Variants in DDX49 observed in about 807,000 individuals in gnomAD.
DDX49 encodes DEAD-box helicase 49.
DDX49 carries 50 observed loss-of-function variants against 56.3 expected under a neutral mutation model. The ratio of observed to expected loss-of-function variants is 0.89; its 90% CI spans 0.71 to 1.12. DDX49 has a LOEUF of 1.12. Among genes scored for constraint, DDX49 ranks in the 50% most tolerant of loss-of-function variants. DDX49 has a pLI of 0.00. For missense variants in DDX49, 614 were observed against 650.5 expected (o/e 0.94, Z 0.61); for synonymous variants, 269 against 270.6 (o/e 0.99, Z 0.06).
rs1336276076 is a variant in DDX49 at position 18,924,662 on chromosome 19, A to T, written c.892A>T (p.Ile298Phe). ...CGCCCTAGCCAAGTTCAAGTCCAGC[A>T]TCTACCGGATCCTGATCGCAACAGA... ...FAALAKFKSSIYRILIATDVA... is the reference protein window; with the variant it reads ...FAALAKFKSSFYRILIATDVA... Residue 298 changes from isoleucine (I) to phenylalanine (F), a missense_variant, in exon 8 of 13, where the codon ATC becomes TTC. By Grantham distance (21) the Ile-to-Phe change is conservative (BLOSUM62 0). Transcript: ENST00000247003. The T allele has an allele frequency of 1.9e-6, 3 of 1,614,220 alleles. No homozygotes were observed. The highest frequency in any genetic ancestry group is 2.5e-6 in the Non-Finnish European group (3 of 1,180,034).
At chr19:18,928,057 T>TA in intron 12 of DDX49, 21 bp downstream of exon 12, 1 of 1,612,270 alleles carries the variant, frequency 6.2e-7, no homozygotes. Flanking sequence ...AGCCCGCAGG[T>TA]AGGGGGTGGG....
At chr19:18,922,767 C>T in intron 6 of DDX49, 23 bp downstream of exon 6, 2 of 1,604,248 alleles carry the variant, frequency 1.2e-6, no homozygotes, top group Non-Finnish European at 1.7e-6. Context: ...CGCCTCTCCC[C>T]TCCCACCGCC....
chr19:18,922,229 G>T, intron 4 of DDX49, 97 bp from the exon 5 acceptor site: 1 of 1,447,400 alleles, frequency 6.9e-7, no homozygotes. Flanking sequence ...AGGGCCTAGG[G>T]TCCATGTCCA....
chr19:18,928,388 G>A lies in DDX49; in HGVS notation c.*72G>A, dbSNP rs1055396293. ...AGGGTCGGAGGAACCTTCCTTGGGG[G>A]CAGCAGCCCTTCCCGGGGGCCTACC... On this transcript the variant is annotated 3_prime_UTR_variant, in exon 13 of 13. Coordinates refer to ENST00000247003, the MANE Select transcript of DDX49 (RefSeq NM_019070.5). The A allele has an allele frequency of 5.7e-6, 8 of 1,404,636 alleles. No individual in the cohort carries two copies. The highest frequency in any genetic ancestry group is 4.4e-5 in the African/African-American group (3 of 68,954). The allele number at this position is 1,404,636 out of a possible 1,614,324, so 87.0% of individuals were successfully genotyped here. A position where few individuals can be genotyped will look rare whatever the true frequency, so the allele number is the denominator to read the frequency against.
chr19:18,921,988 A>G, intron 4 of DDX49, 24 bp downstream of exon 4: 1 of 1,591,594 alleles, frequency 6.3e-7, no homozygotes, highest in South Asian at 1.1e-5. Flanking sequence ...GCCCCTGCAG[A>G]CCTCAGGAGC....
At chr19:18,927,477 C>T (rs1393582137) in intron 10 of DDX49, among the ~76,000 whole-genome samples, 1 of 151,318 alleles carries the variant, frequency 6.6e-6, no homozygotes, top group African/African-American at 2.4e-5. Flanking sequence ...AAAAAAATGG[C>T]GGGGGGAGGC....
At position 18,924,262 on chromosome 19, in the gene DDX49, G is replaced by A. The variant is rs183729370; in HGVS notation, c.806G>A (p.Arg269His). The change falls in exon 7 of 13, where the codon CGC (arginine) becomes CAC (histidine). Residue 269 changes from arginine (R) to histidine (H), a missense_variant. Transcript: ENST00000247003. The stretch of plus-strand genomic sequence containing the variant: ...TGCCAGATTCTGTGCATGATGCTGC[G>A]CAAATTCAGCTTCCCCACCGTGGCT... Reference protein sequence around the residue: ...KTCQILCMMLRKFSFPTVALH... With the variant: ...KTCQILCMMLHKFSFPTVALH... 1.5e-4 allele frequency: 240 copies of A among 1,613,900 alleles called. 1 individual carries two copies. The East Asian group carries it at 2.6e-3, about 18-fold the overall frequency.
chr19:18,928,269 C>A lies in DDX49; in HGVS notation c.1405C>A (p.Pro469Thr), dbSNP rs1320542701. 1.9e-6 allele frequency: 3 copies of A among 1,583,690 alleles called. No homozygotes were observed. The highest frequency in any genetic ancestry group is 2.6e-6 in the Non-Finnish European group (3 of 1,165,226). Residue 469 changes from proline to threonine, a missense_variant, in exon 13 of 13, where the codon CCG becomes ACG. Coordinates refer to ENST00000247003, the MANE Select transcript of DDX49 (RefSeq NM_019070.5). ...AGHKGRPPRT[P>T]SGSHSGPVPS... ...CCACAAGGGGCGTCCACCCAGGACACCGTCTGGGTCCCACTCAGGCCCAGT... is the reference window on the plus strand; with the variant it reads ...CCACAAGGGGCGTCCACCCAGGACAACGTCTGGGTCCCACTCAGGCCCAGT...
At chr19:18,924,816 T>C (rs774001199) in intron 8 of DDX49, 66 bp from the exon 9 acceptor site, 3 of 1,612,298 alleles carry the variant, frequency 1.9e-6, no homozygotes, top group South Asian at 1.1e-5. Context: ...TGAGTGACCC[T>C]GGGTGAGTCC....
Position 18,922,678 on chromosome 19 carries a change from A to G in DDX49, c.710A>G (p.His237Arg). 1 of 1,614,014 alleles carries G rather than the reference A, an allele frequency of 6.2e-7. No individual in the cohort carries two copies. The highest frequency in any genetic ancestry group is 8.5e-7 in the Non-Finnish European group (1 of 1,180,022). ...PEKVKDAYLVHLIQRFQDEHE... is the reference protein window; with the variant it reads ...PEKVKDAYLVRLIQRFQDEHE... ...AAGGTCAAGGACGCCTACCTGGTCCACCTGATCCAGCGCTTCCAGGATGAG... is the reference window on the plus strand; with the variant it reads ...AAGGTCAAGGACGCCTACCTGGTCCGCCTGATCCAGCGCTTCCAGGATGAG... The change falls in exon 6 of 13, where the codon CAC becomes CGC. Residue 237 changes from histidine (H) to arginine (R), a missense_variant. Physicochemically the swap from His to Arg is conservative, Grantham distance 29. Coordinates refer to ENST00000247003, the MANE Select transcript of DDX49 (RefSeq NM_019070.5).
At chr19:18,925,161 A>AGGCAAGATCACTTGAACCCGGGAGGTTGC (rs2056950955) in intron 9 of DDX49, 182 bp downstream of exon 9, 6 of 663,044 alleles carry the variant, frequency 9.0e-6, no homozygotes, top group Middle Eastern at 4.5e-4. Context: ...CGGGAGGCTG[A>AGGCAAGATCACTTGAACCCGGGAGGTTGC]GGCAAGAAGA....
In DDX49 at chr19:18,928,113, T is replaced by A; in HGVS notation, c.1264-15T>A. On this transcript the variant is annotated splice_polypyrimidine_tract_variant and intron_variant, in intron 12 of 12. Transcript: ENST00000247003. Reference sequence around the variant, plus strand: ...GGCCGCCAGCTCAGCCATCCCCTGGTCCTCCCTGTGCCAGGACCCTGACCT... The same window carrying A: ...GGCCGCCAGCTCAGCCATCCCCTGGACCTCCCTGTGCCAGGACCCTGACCT... 1 of 1,611,388 alleles carries A rather than the reference T, an allele frequency of 6.2e-7. No individual in the cohort carries two copies. The highest frequency in any genetic ancestry group is 8.5e-7 in the Non-Finnish European group (1 of 1,178,976).
In DDX49 at chr19:18,924,291, C is replaced by T; in HGVS notation, c.835C>T (p.His279Tyr). The T allele has an allele frequency of 6.2e-7, 1 of 1,613,916 alleles. No individual in the cohort carries two copies. The highest frequency in any genetic ancestry group is 1.7e-5 in the Admixed American group (1 of 60,026). ...ATTCAGCTTCCCCACCGTGGCTCTG[C>T]ACTCCATGATGAAGCAGGTGAGGCC... The part of the protein sequence containing the change: ...RKFSFPTVAL[H>Y]SMMKQKERFA... Residue 279 changes from histidine (H) to tyrosine (Y), a missense_variant, in exon 7 of 13, where the codon CAC (histidine) becomes TAC (tyrosine). Transcript: ENST00000247003.
intron 6 of DDX49, among the ~76,000 whole-genome samples, chr19:18,923,212 G>A (rs2056933462): frequency 6.6e-6 from 1 of 152,164 alleles, no homozygotes; most frequent in Non-Finnish European, 1.5e-5. Context: ...CGCTTTAAAT[G>A]CGTTACCTCC....
At position 18,924,293 on chromosome 19, in the gene DDX49, C is replaced by T; in HGVS notation, c.837C>T (p.His279=). 6.2e-7 allele frequency: 1 copy of T among 1,613,838 alleles called. No individual in the cohort carries two copies. The highest frequency in any genetic ancestry group is 8.5e-7 in the Non-Finnish European group (1 of 1,180,008). ...RKFSFPTVAL[H]SMMKQKERFA... ...TCAGCTTCCCCACCGTGGCTCTGCACTCCATGATGAAGCAGGTGAGGCCAC... is the reference window on the plus strand; with the variant it reads ...TCAGCTTCCCCACCGTGGCTCTGCATTCCATGATGAAGCAGGTGAGGCCAC... Residue 279 remains histidine (H), a synonymous_variant, in exon 7 of 13, where the codon CAC becomes CAT. Transcript: ENST00000247003.
intron 4 of DDX49, 29 bp from the exon 5 acceptor site, chr19:18,922,297 C>T (rs1264328466): frequency 1.3e-6 from 2 of 1,599,868 alleles, no homozygotes; most frequent in Non-Finnish European, 1.7e-6. Flanking sequence ...TGGACGGCAC[C>T]CTCACCCCTG....
intron 1 of DDX49, 145 bp from the exon 2 acceptor site, chr19:18,920,435 G>A (rs1484852042): frequency 4.0e-6 from 3 of 750,504 alleles, no homozygotes; most frequent in Non-Finnish European, 4.1e-6. Flanking sequence ...AGAACGAGGT[G>A]GTAGGAAGCT....
Position 18,919,832 on chromosome 19 carries a change from G to A in DDX49, c.91G>A (p.Gly31Ser), listed in dbSNP as rs1329168241. ...GAAGCAGCCCACGCCCGTGCAGCTC[G>A]GCTGCATCCCCGCCATCCTGGAGGG... ...GLKQPTPVQLGCIPAILEGRD... is the reference protein window; with the variant it reads ...GLKQPTPVQLSCIPAILEGRD... The change falls in exon 1 of 13, where the codon GGC (glycine) becomes AGC (serine). Residue 31 changes from glycine (G) to serine (S), a missense_variant. Gly to Ser is a moderately conservative substitution (Grantham distance 56). Transcript: ENST00000247003. 1 of 1,603,100 alleles carries A rather than the reference G, an allele frequency of 6.2e-7. No homozygotes were observed. The highest frequency in any genetic ancestry group is 1.7e-5 in the Admixed American group (1 of 59,848).
In DDX49 at chr19:18,922,309, C is replaced by T. The variant is rs970762544; in HGVS notation, c.448-17C>T. ...CCATGGACGGCACCCTCACCCCTGC[C>T]CCCATTGGCACGGCAGGTGATGGAT... On this transcript the variant is annotated splice_polypyrimidine_tract_variant and intron_variant, in intron 4 of 12. Transcript: ENST00000247003. 3 of 1,606,640 alleles carry T rather than the reference C, an allele frequency of 1.9e-6. No individual in the cohort carries two copies. Among genetic ancestry groups the T allele is most frequent in the Non-Finnish European group, 2.5e-6 (3 of 1,177,726 alleles).
Sources: gnomAD v4.1 joint callset for allele counts (sites outside exome capture counted in the v4.1 genomes callset) on GRCh38, gnomAD v4.1.1 for gene constraint, MANE v1.5 for transcripts, NCBI Gene and HGNC (gene_info 2026-07-23, HGNC 2026-07-21) for gene names.